Variants in NFIB observed in about 807,000 individuals in gnomAD.
NFIB encodes nuclear factor I B.
NFIB carries 11 observed loss-of-function variants against 61.5 expected under a neutral mutation model. The observed-to-expected ratio is 0.18, with a 90% CI of 0.11 to 0.30. NFIB has a LOEUF of 0.30. Among genes scored for constraint, NFIB ranks in the 10% least tolerant of loss-of-function variants. NFIB has a pLI of 1.00. For missense variants in NFIB, 471 were observed against 608.9 expected (o/e 0.77, Z 2.38); for synonymous variants, 260 against 216.5 (o/e 1.20, Z -1.76).
the NFIB span, among the ~76,000 whole-genome samples, chr9:14,499,444 G>C: frequency 1.3e-5 from 2 of 152,158 alleles, no homozygotes; most frequent in Non-Finnish European, 2.9e-5. Context: ...TGAATGGGGT[G>C]TTTAGCTTGG....
At chr9:14,305,932 T>C in intron 2 of NFIB, 1 of 1,280,218 alleles carries the variant, frequency 7.8e-7, no homozygotes, top group Non-Finnish European at 1.0e-6. Context: ...TATGCGGCTT[T>C]GTAAAATGAT....
chr9:14,125,042 A>C (rs1196262704), intron 7 of NFIB, among the ~76,000 whole-genome samples: 2 of 152,222 alleles, frequency 1.3e-5, no homozygotes, highest in African/African-American at 4.8e-5. Context: ...TCCTGAAGCT[A>C]TAATGAAGAT....
chr9:14,391,454 T>G (rs1420221281), intron 1 of NFIB, among the ~76,000 whole-genome samples: 1 of 68,514 alleles, frequency 1.5e-5, no homozygotes, highest in Non-Finnish European at 3.1e-5. Context: ...GGAAAGGCAG[T>G]CTCCCAATAG....
At chr9:14,445,202 A>G in the NFIB span, among the ~76,000 whole-genome samples, 120 of 152,218 alleles carry the variant, frequency 7.9e-4, no homozygotes, top group African/African-American at 2.8e-3. Flanking sequence ...TCTTTTATTA[A>G]TTCTGATAAT....
At chr9:14,141,902 CAAAAAAAAAAA>C (rs1207435536) in intron 6 of NFIB, among the ~76,000 whole-genome samples, 78 of 53,608 alleles carry the variant, frequency 1.5e-3, no homozygotes, top group Non-Finnish European at 1.9e-3. Context: ...CTGCTGCTCA[CAAAAAAAAAAA>C]AAAAAAAAAA....
chr9:14,262,491 G>C (rs770236464), intron 2 of NFIB, among the ~76,000 whole-genome samples: 2 of 152,156 alleles, frequency 1.3e-5, no homozygotes, highest in Non-Finnish European at 2.9e-5. Flanking sequence ...ATTATGGAAT[G>C]AACTCCCCAC....
chr9:14,280,334 G>A (rs2058286464), intron 2 of NFIB, among the ~76,000 whole-genome samples: 2 of 151,948 alleles, frequency 1.3e-5, no homozygotes, highest in African/African-American at 4.8e-5. Flanking sequence ...GCTGATGTAA[G>A]GAATAGATGA....
At chr9:14,244,972 T>C (rs988767728) in intron 2 of NFIB, among the ~76,000 whole-genome samples, 1 of 152,180 alleles carries the variant, frequency 6.6e-6, no homozygotes, top group African/African-American at 2.4e-5. Flanking sequence ...CTTCTCACTA[T>C]CATTCTCCTG....
rs937040863 is a variant in NFIB, at chr9:14,116,586, C to T, written c.1246-240G>A. Among the ~76,000 whole-genome samples the T allele has an allele frequency of 3.9e-5, 6 of 152,208 alleles. No homozygotes were observed. The South Asian group carries it at 1.2e-3, about 31-fold the overall frequency. ...CATGGTATAGGTGAATTCCTCTTTACAGCACCCCTGAGAGCCAGGTAGACT... is the reference window on the plus strand; with the variant it reads ...CATGGTATAGGTGAATTCCTCTTTATAGCACCCCTGAGAGCCAGGTAGACT... On this transcript the variant is annotated intron_variant, in intron 8 of 10. Transcript: ENST00000380953.
intron 10 of NFIB, among the ~76,000 whole-genome samples, chr9:14,100,370 T>G (rs1410708984): frequency 6.6e-6 from 1 of 152,200 alleles, no homozygotes; most frequent in East Asian, 1.9e-4. Context: ...TGAGATTTAT[T>G]GCCCACTCAT....
the NFIB span, among the ~76,000 whole-genome samples, chr9:14,458,444 T>G: frequency 3.9e-5 from 6 of 152,220 alleles, no homozygotes; most frequent in Non-Finnish European, 7.3e-5. Flanking sequence ...GCATTCCCTT[T>G]GAAAACTGGC....
chr9:14,411,797 A>G, the NFIB span, among the ~76,000 whole-genome samples: 2 of 152,152 alleles, frequency 1.3e-5, no homozygotes, highest in African/African-American at 4.8e-5. Flanking sequence ...TCTGTTACCA[A>G]TAGAATACAG....
chr9:14,284,928 G>GC (rs1465879546), intron 2 of NFIB, among the ~76,000 whole-genome samples: 1 of 152,040 alleles, frequency 6.6e-6, no homozygotes, highest in Non-Finnish European at 1.5e-5. Context: ...GCCCTATGTA[G>GC]CCTTTGTGGA....
At chr9:14,341,608 A>G (rs2060951497) in intron 1 of NFIB, among the ~76,000 whole-genome samples, 2 of 152,214 alleles carry the variant, frequency 1.3e-5, no homozygotes, top group Admixed American at 1.3e-4. Flanking sequence ...AAACAGGAAA[A>G]TAGGACAGGA....
chr9:14,258,183 C>G (rs1445501053), intron 2 of NFIB, among the ~76,000 whole-genome samples: 1 of 152,166 alleles, frequency 6.6e-6, no homozygotes, highest in Non-Finnish European at 1.5e-5. Context: ...TCAGATCTAC[C>G]ACAGTTTTAT....
At chr9:14,231,983 G>C (rs2053240155) in intron 2 of NFIB, among the ~76,000 whole-genome samples, 1 of 152,200 alleles carries the variant, frequency 6.6e-6, no homozygotes, top group African/African-American at 2.4e-5. Context: ...AAAGACTTGG[G>C]AAAGAAACAA....
At chr9:14,343,959 C>T (rs1363988308) in intron 1 of NFIB, among the ~76,000 whole-genome samples, 1 of 151,946 alleles carries the variant, frequency 6.6e-6, no homozygotes, top group East Asian at 1.9e-4. Context: ...AAACAAAATA[C>T]AAAATAGGCC....
At chr9:14,516,036 G>T in the NFIB span, among the ~76,000 whole-genome samples, 3 of 152,220 alleles carry the variant, frequency 2.0e-5, no homozygotes, top group Non-Finnish European at 2.9e-5. Context: ...AAAGCCATTG[G>T]CGAGCACCTG....
At chr9:14,489,393 T>C in the NFIB span, among the ~76,000 whole-genome samples, 44 of 152,342 alleles carry the variant, frequency 2.9e-4, no homozygotes, top group Admixed American at 7.2e-4. Flanking sequence ...TCACGTACCA[T>C]CTTATCTTAT....
Sources: gnomAD v4.1 joint callset for allele counts (sites outside exome capture counted in the v4.1 genomes callset) on GRCh38, gnomAD v4.1.1 for gene constraint, MANE v1.5 for transcripts, NCBI Gene and HGNC (gene_info 2026-07-23, HGNC 2026-07-21) for gene names.